The following RASA3 variants were observed in gnomAD, a reference collection of about 807,000 sequenced individuals.
The protein encoded by RASA3 is ras GTPase-activating protein 3.
RASA3 carries 73 observed loss-of-function variants against 110.0 expected under a neutral mutation model. That is an observed-to-expected ratio of 0.66 (90% confidence interval 0.55 to 0.81). RASA3 has a LOEUF of 0.81. Among genes scored for constraint, RASA3 ranks in the 30% least tolerant of loss-of-function variants. The pLI, the probability that RASA3 is intolerant of heterozygous loss-of-function variation, is 0.00. For missense variants in RASA3, 976 were observed against 1,113.2 expected, an observed-to-expected ratio of 0.88 and a Z score of 1.75; for synonymous variants, 500 against 451.4, an observed-to-expected ratio of 1.11 and a Z score of -1.37.
intron 23 of RASA3, 85 bp from the exon 24 acceptor site, chr13:113,979,507 T>C (rs2052858100): frequency 9.3e-7 from 1 of 1,080,686 alleles, no homozygotes; most frequent in South Asian, 1.3e-5. Flanking sequence ...TTCCTGTTCC[T>C]AAATGTGACA....
In RASA3 at chr13:114,018,925, T is replaced by C; in HGVS notation, c.786-6A>G. 1 of 1,613,082 alleles carries C rather than the reference T, an allele frequency of 6.2e-7. No individual in the cohort carries two copies. Among genetic ancestry groups the C allele is most frequent in the South Asian group, 1.1e-5 (1 of 91,048 alleles). On this transcript the variant is annotated splice_region_variant and splice_polypyrimidine_tract_variant and intron_variant, in intron 9 of 23. Transcript: ENST00000334062. ...CCCGGGGCTGGAGGAAGTACCTGGGTGGGAGGGACACATGGAGGGGAGGCA... is the reference window on the plus strand; with the variant it reads ...CCCGGGGCTGGAGGAAGTACCTGGGCGGGAGGGACACATGGAGGGGAGGCA...
At chr13:114,039,201 C>G (rs60792869) in intron 4 of RASA3, among the ~76,000 whole-genome samples, 1 of 152,014 alleles carries the variant, frequency 6.6e-6, no homozygotes, top group Admixed American at 6.5e-5. Context: ...ATCCCAGGGC[C>G]GCTGTGCTGC....
At chr13:114,016,111 G>A (rs560841280) in intron 13 of RASA3, 86 bp downstream of exon 13, 15 of 1,244,578 alleles carry the variant, frequency 1.2e-5, no homozygotes, top group Admixed American at 5.3e-5. Context: ...CCGGGGTCAC[G>A]GGGTGAGTCA....
At chr13:114,002,815 C>T (rs555495311) in intron 18 of RASA3, among the ~76,000 whole-genome samples, 48 of 152,230 alleles carry the variant, frequency 3.2e-4, no homozygotes, top group African/African-American at 7.2e-4. Context: ...GCGTGTGGGA[C>T]GGGGAGGCAG....
intron 1 of RASA3, among the ~76,000 whole-genome samples, chr13:114,125,862 G>A (rs746682501): frequency 5.3e-5 from 8 of 149,578 alleles, no homozygotes; most frequent in Admixed American, 2.7e-4. Flanking sequence ...GTTCCACAAC[G>A]GCTGTCCAAC....
chr13:113,995,808 G>GA (rs1328938935), intron 21 of RASA3, among the ~76,000 whole-genome samples: 1 of 51,402 alleles, frequency 1.9e-5, no homozygotes, highest in Non-Finnish European at 3.6e-5. Flanking sequence ...GCTGATGGGG[G>GA]TCCGGCTGAC....
At chr13:114,059,023 C>A (rs933150696) in intron 2 of RASA3, among the ~76,000 whole-genome samples, 1 of 152,232 alleles carries the variant, frequency 6.6e-6, no homozygotes, top group Non-Finnish European at 1.5e-5. Context: ...CATAGCAAGA[C>A]CCCAACTCAA....
At chr13:114,073,674 C>G (rs377067601) in intron 2 of RASA3, 46 bp downstream of exon 2, 2 of 1,480,788 alleles carry the variant, frequency 1.4e-6, no homozygotes, top group African/African-American at 1.4e-5. Context: ...ATTCTCTACA[C>G]CAAAGAAAAC....
chr13:114,061,767 G>C (rs1356298218), intron 2 of RASA3, among the ~76,000 whole-genome samples: 3 of 152,088 alleles, frequency 2.0e-5, no homozygotes, highest in East Asian at 3.8e-4. Flanking sequence ...TAAGCGAACT[G>C]CTCATTACAA....
chr13:114,017,240 C>T lies in RASA3; in HGVS notation c.1203G>A (p.Glu401=), dbSNP rs747121663. Residue 401 remains glutamate, a synonymous_variant, in exon 12 of 24, where the codon GAG becomes GAA. Transcript: ENST00000334062. ...GGACTCTCGGCCCCGTGCTCACCTC[C>T]TCGATGGCGGGCTTCAGGGTGACAT... is the stretch of plus-strand genomic sequence containing the variant. ...YLHVTLKPAI[E]EICQSHKPCE... 2 of 1,613,264 alleles carry T rather than the reference C, an allele frequency of 1.2e-6. No homozygotes were observed. Among genetic ancestry groups the T allele is most frequent in the Non-Finnish European group, 1.7e-6 (2 of 1,179,700 alleles).
rs1030400663 is a variant in RASA3, at chr13:114,078,008, A to C, written c.56-4171T>G. 20 of 956,320 alleles carry C rather than the reference A, an allele frequency of 2.1e-5. No individual in the cohort carries two copies. In the African/African-American group the frequency reaches 3.3e-4, roughly 16 times the overall value. 59.2% of individuals were successfully genotyped at this position (956,320 alleles called of 1,614,324 possible). ...ATTGAAACAGAAAAAAAAAAAAAAAACTCCTGAGAAACATCCTGGTTGCTA... is the reference window on the plus strand; with the variant it reads ...ATTGAAACAGAAAAAAAAAAAAAAACCTCCTGAGAAACATCCTGGTTGCTA... On this transcript the variant is annotated intron_variant, in intron 1 of 23. Coordinates refer to ENST00000334062, the MANE Select transcript of RASA3 (RefSeq NM_007368.4).
chr13:114,077,908 G>A (rs1208067657), intron 1 of RASA3: 1 of 984,238 alleles, frequency 1.0e-6, no homozygotes, highest in African/African-American at 1.8e-5. Flanking sequence ...CAAAATGCAA[G>A]CCCATTTCCC....
intron 15 of RASA3, among the ~76,000 whole-genome samples, 157 bp downstream of exon 15, chr13:114,012,985 T>A (rs1389691781): frequency 6.7e-6 from 1 of 148,232 alleles, no homozygotes; most frequent in African/African-American, 2.5e-5. Flanking sequence ...TCACTCCTCA[T>A]TCCACACACA....
At chr13:114,079,449 A>C (rs1369800299) in intron 1 of RASA3, among the ~76,000 whole-genome samples, 1 of 152,190 alleles carries the variant, frequency 6.6e-6, no homozygotes, top group Non-Finnish European at 1.5e-5. Flanking sequence ...AGTCGTCCCA[A>C]CGCAAAACAT....
At chr13:114,036,868 C>A (rs954254976) in intron 4 of RASA3, among the ~76,000 whole-genome samples, 2 of 152,178 alleles carry the variant, frequency 1.3e-5, no homozygotes, top group African/African-American at 2.4e-5. Context: ...TGGCTGGAGT[C>A]CAGCAGGGCC....
At chr13:114,087,690 G>C (rs1186054969) in intron 1 of RASA3, among the ~76,000 whole-genome samples, 5 of 152,212 alleles carry the variant, frequency 3.3e-5, no homozygotes, top group Non-Finnish European at 7.3e-5. Flanking sequence ...ACGGCTCCCG[G>C]GGCCAGCAGG....
At chr13:114,054,427 G>C (rs2079203072) in intron 2 of RASA3, among the ~76,000 whole-genome samples, 1 of 147,942 alleles carries the variant, frequency 6.8e-6, no homozygotes, top group Admixed American at 6.7e-5. Context: ...GGCGACTGTT[G>C]CTGCCCGGAG....
Position 114,132,596 on chromosome 13 carries a change from G to T in RASA3, c.-107C>A. 1 of 966,096 alleles carries T rather than the reference G, an allele frequency of 1.0e-6. No homozygotes were observed. Among genetic ancestry groups the T allele is most frequent in the Non-Finnish European group, 1.3e-6 (1 of 761,068 alleles). 59.8% of individuals were successfully genotyped at this position (966,096 alleles called of 1,614,324 possible). ...CGCCGGAGCCCCGAGCGCGGCCGAG[G>T]GTCCGCCCGCCTGCAAGACCGCCAG... On this transcript the variant is annotated 5_prime_UTR_variant, in exon 1 of 24. Transcript: ENST00000334062.
At chr13:114,127,352 G>A (rs941624418) in intron 1 of RASA3, among the ~76,000 whole-genome samples, 1 of 152,194 alleles carries the variant, frequency 6.6e-6, no homozygotes, top group African/African-American at 2.4e-5. Context: ...GGCACCATTT[G>A]CTCACACACC....
Sources: gnomAD v4.1 joint callset for allele counts (sites outside exome capture counted in the v4.1 genomes callset) on GRCh38, gnomAD v4.1.1 for gene constraint, MANE v1.5 for transcripts, NCBI Gene and HGNC (gene_info 2026-07-23, HGNC 2026-07-21) for gene names.